RABGAP1L: variants seen among roughly 807,000 people sequenced by gnomAD.
The protein encoded by RABGAP1L is RAB GTPase activating protein 1 like, also known as rab GTPase-activating protein 1-like.
In RABGAP1L, 63 loss-of-function variants were observed where a neutral mutation model predicts 137.7. The ratio of observed to expected loss-of-function variants is 0.46; its 90% CI spans 0.37 to 0.56. RABGAP1L has a LOEUF of 0.56. Among genes scored for constraint, RABGAP1L ranks in the 20% least tolerant of loss-of-function variants. The pLI is 0.00. For missense variants in RABGAP1L, 1,095 were observed against 1,244.0 expected (o/e 0.88, Z 1.80); for synonymous variants, 431 against 433.7 (o/e 0.99, Z 0.08).
In RABGAP1L at chr1:174,664,734, C is replaced by CTTT. The variant is rs71701825; in HGVS notation, c.1825-18769_1825-18767dup. Among the ~76,000 whole-genome samples, 223 of 97,542 alleles carry CTTT rather than the reference C, an allele frequency of 2.3e-3. 4 individuals carry two copies. The highest frequency in any genetic ancestry group is 6.5e-3 in the East Asian group (23 of 3,526). 64.0% of individuals were successfully genotyped at this position (97,542 alleles called of 152,430 possible). ...CTCTTTCTTTCTTTCTTTCTGCTTT[C>CTTT]TTTTTTTTTTTTTTTTTTTTTGACA... On this transcript the variant is annotated intron_variant, in intron 14 of 25. Transcript: ENST00000681986.
At chr1:174,342,637 T>C (rs569407022) in intron 11 of RABGAP1L, among the ~76,000 whole-genome samples, 32 of 152,202 alleles carry the variant, frequency 2.1e-4, no homozygotes, top group Admixed American at 1.0e-3. Flanking sequence ...AAAATTTAAA[T>C]CAACATCAGT....
intron 13 of RABGAP1L, among the ~76,000 whole-genome samples, chr1:174,483,742 A>G (rs902222318): frequency 2.6e-5 from 4 of 151,706 alleles, no homozygotes; most frequent in African/African-American, 9.7e-5. Flanking sequence ...CAGGAGAATC[A>G]CTGGAATTCA....
chr1:174,914,188 G>C (rs1660492421), intron 19 of RABGAP1L, among the ~76,000 whole-genome samples: 1 of 152,116 alleles, frequency 6.6e-6, no homozygotes, highest in Non-Finnish European at 1.5e-5. Context: ...ATACAGTCTA[G>C]GATTGAGAGG....
rs539791857 is a variant in RABGAP1L at position 174,294,211 on chromosome 1, G to A, written c.1324-10775G>A. ...ATTATTGTTGTTAGTATTATTAATT[G>A]ACTACCTGTTTGTCTTCTATCTAGT... On this transcript the variant is annotated intron_variant, in intron 10 of 25. Transcript: ENST00000681986. 2.6e-5 allele frequency among the ~76,000 whole-genome samples: 4 copies of A among 152,250 alleles called. No individual in the cohort carries two copies. In the South Asian group the frequency reaches 8.3e-4, roughly 32 times the overall value.
intron 1 of RABGAP1L, among the ~76,000 whole-genome samples, chr1:174,176,372 A>G (rs1665850367): frequency 6.6e-6 from 1 of 152,110 alleles, no homozygotes; most frequent in Non-Finnish European, 1.5e-5. Context: ...TGGTTCACTG[A>G]TTTATGCAGA....
Position 174,699,592 on chromosome 1 carries a change from A to G in RABGAP1L, c.1967A>G (p.Tyr656Cys), listed in dbSNP as rs1008429556. 1.2e-6 allele frequency: 2 copies of G among 1,609,692 alleles called. No individual in the cohort carries two copies. The highest frequency in any genetic ancestry group is 2.2e-5 in the South Asian group (2 of 90,972). ...IMYDYGLRDL[Y>C]RNNFEDLHCK... ...TACGACTATGGTTTGAGAGACCTCT[A>G]CAGAAACAACTTCGAAGATCTTCAT... Residue 656 changes from tyrosine to cysteine, a missense_variant, in exon 16 of 26, where the codon TAC becomes TGC. By Grantham distance (194) the Tyr-to-Cys change is radical. This residue lies in a region of RABGAP1L where 315 missense variants were observed against 324.8 expected (regional missense o/e 0.97). Coordinates refer to ENST00000681986, the MANE Select transcript of RABGAP1L (RefSeq NM_001366446.1).
At chr1:174,475,489 T>TTAAAA (rs1658402800) in intron 13 of RABGAP1L, among the ~76,000 whole-genome samples, 2 of 152,166 alleles carry the variant, frequency 1.3e-5, no homozygotes, top group Non-Finnish European at 2.9e-5. Flanking sequence ...AAAAATATTT[T>TTAAAA]GTAGTGCTGT....
At chr1:174,309,517 G>C (rs953330537) in intron 11 of RABGAP1L, among the ~76,000 whole-genome samples, 4 of 151,908 alleles carry the variant, frequency 2.6e-5, no homozygotes, top group African/African-American at 9.7e-5. Flanking sequence ...ATTTTATCCA[G>C]GTATATCCCT....
chr1:174,280,286 A>G (rs1675405280), intron 10 of RABGAP1L, among the ~76,000 whole-genome samples: 1 of 152,190 alleles, frequency 6.6e-6, no homozygotes, highest in Non-Finnish European at 1.5e-5. Context: ...TGGTAGAAAG[A>G]ATGAATTAGG....
intron 11 of RABGAP1L, among the ~76,000 whole-genome samples, chr1:174,324,797 G>A (rs1680295497): frequency 6.6e-6 from 1 of 152,104 alleles, no homozygotes; most frequent in African/African-American, 2.4e-5. Context: ...AAGAAGAAGT[G>A]ATATTCGGTG....
intron 13 of RABGAP1L, among the ~76,000 whole-genome samples, chr1:174,624,485 A>T (rs1282389915): frequency 6.6e-6 from 1 of 152,182 alleles, no homozygotes; most frequent in Non-Finnish European, 1.5e-5. Flanking sequence ...AATGTCTTGC[A>T]CATAACAAAT....
At chr1:174,677,456 T>C (rs1339879254) in intron 14 of RABGAP1L, among the ~76,000 whole-genome samples, 1 of 152,242 alleles carries the variant, frequency 6.6e-6, no homozygotes, top group East Asian at 1.9e-4. Flanking sequence ...ATTATCTAGT[T>C]AATTTCATCT....
intron 13 of RABGAP1L, among the ~76,000 whole-genome samples, chr1:174,540,778 T>C (rs565829267): frequency 1.3e-5 from 2 of 152,322 alleles, no homozygotes; most frequent in African/African-American, 4.8e-5. Flanking sequence ...GCAATGTGGG[T>C]TCTTTTTTGG....
intron 13 of RABGAP1L, among the ~76,000 whole-genome samples, chr1:174,453,903 T>A (rs949955143): frequency 1.3e-5 from 2 of 152,200 alleles, no homozygotes; most frequent in Non-Finnish European, 2.9e-5. Context: ...ACTATTTTGT[T>A]TTAATTTTTT....
chr1:174,720,339 T>C (rs1354738064), intron 17 of RABGAP1L, among the ~76,000 whole-genome samples: 1 of 151,626 alleles, frequency 6.6e-6, no homozygotes, highest in Non-Finnish European at 1.5e-5. Flanking sequence ...GGTCTGGCTC[T>C]GTTGCCCAGG....
intron 19 of RABGAP1L, among the ~76,000 whole-genome samples, chr1:174,912,914 A>G (rs2149201852): frequency 6.6e-6 from 1 of 152,144 alleles, no homozygotes; most frequent in South Asian, 2.1e-4. Context: ...TATGGCACAG[A>G]CAGTACTCTT....
At chr1:174,525,449 T>G (rs751624586) in intron 13 of RABGAP1L, among the ~76,000 whole-genome samples, 2 of 152,160 alleles carry the variant, frequency 1.3e-5, no homozygotes, top group African/African-American at 2.4e-5. Flanking sequence ...TATTTCATTA[T>G]TGGTGTCTAG....
chr1:174,652,864 A>G lies in RABGAP1L; in HGVS notation c.1824+15376A>G, dbSNP rs556135521. Among the ~76,000 whole-genome samples the G allele has an allele frequency of 6.6e-5, 10 of 152,322 alleles. No individual in the cohort carries two copies. The East Asian group carries it at 1.9e-3, about 29-fold the overall frequency. On this transcript the variant is annotated intron_variant, in intron 14 of 25. Coordinates refer to ENST00000681986, the MANE Select transcript of RABGAP1L (RefSeq NM_001366446.1). ...GCTGCTCTCTTTACAGCCGGCAGGC[A>G]GGAGTGTTTAAGTCTGCTGAAGGTG... is the stretch of plus-strand genomic sequence containing the variant.
At chr1:174,788,057 C>T (rs572318000) in intron 18 of RABGAP1L, among the ~76,000 whole-genome samples, 1 of 152,290 alleles carries the variant, frequency 6.6e-6, no homozygotes, top group Admixed American at 6.5e-5. Context: ...CTTACTAGAC[C>T]TTACATGTTC....
Sources: gnomAD v4.1 joint callset for allele counts (sites outside exome capture counted in the v4.1 genomes callset) on GRCh38, gnomAD v4.1.1 for gene constraint, gnomAD v4.1.1 regional missense constraint, MANE v1.5 for transcripts, NCBI Gene and HGNC (gene_info 2026-07-23, HGNC 2026-07-21) for gene names.